Variants in MAP3K20 observed in about 807,000 individuals in gnomAD.
The protein encoded by MAP3K20 is HCCS-4.
Under a neutral mutation model 85.7 loss-of-function variants are expected in MAP3K20, and 40 were observed. That is an observed-to-expected ratio of 0.47 (90% CI 0.36 to 0.61). The LOEUF (loss-of-function observed/expected upper bound fraction) is 0.61, where lower values mean the gene tolerates loss of function less well. Among genes scored for constraint, MAP3K20 ranks in the 20% least tolerant of loss-of-function variants. The pLI is 0.00. For synonymous variants in MAP3K20, 325 were observed against 327.7 expected, an observed-to-expected ratio of 0.99 and a Z score of 0.09; for missense variants, 817 against 961.7, an observed-to-expected ratio of 0.85 and a Z score of 1.99.
At chr2:173,255,227 T>C (rs947336666) in intron 16 of MAP3K20, among the ~76,000 whole-genome samples, 4 of 152,208 alleles carry the variant, frequency 2.6e-5, no homozygotes, top group African/African-American at 9.7e-5. Context: ...CCACTAGCTT[T>C]CTTGGTTGTA....
At chr2:173,164,997 G>A (rs574403487) in intron 2 of MAP3K20, among the ~76,000 whole-genome samples, 1 of 152,258 alleles carries the variant, frequency 6.6e-6, no homozygotes, top group East Asian at 1.9e-4. Flanking sequence ...GGCCCCAGCT[G>A]GAAACAATAA....
At chr2:173,242,699 C>CT (rs68173816) in intron 16 of MAP3K20, among the ~76,000 whole-genome samples, 25,742 of 81,048 alleles carry the variant, frequency 0.32, 3,862 homozygotes, top group East Asian at 0.59. Context: ...AGTAATCTTT[C>CT]TTTTTTTTTT....
intron 1 of MAP3K20, chr2:173,090,721 G>A (rs1687269708): frequency 1.9e-6 from 2 of 1,041,836 alleles, no homozygotes; most frequent in Non-Finnish European, 2.3e-6. Flanking sequence ...GGGATGAGTA[G>A]GAAGTGCTGC....
intron 4 of MAP3K20, 98 bp downstream of exon 4, chr2:173,183,053 G>A: frequency 2.1e-6 from 2 of 966,148 alleles, no homozygotes; most frequent in Non-Finnish European, 3.1e-6. Context: ...TCTGTCTTTA[G>A]ATGTTCTTTT....
intron 2 of MAP3K20, among the ~76,000 whole-genome samples, chr2:173,120,531 C>T (rs369325969): frequency 1.7e-4 from 25 of 151,500 alleles, no homozygotes; most frequent in South Asian, 8.4e-4. Flanking sequence ...GTGGCAGTCT[C>T]GTATCCCAAT....
chr2:173,109,105 C>T (rs1448944841), intron 2 of MAP3K20, among the ~76,000 whole-genome samples: 4 of 152,138 alleles, frequency 2.6e-5, no homozygotes, highest in South Asian at 2.1e-4. Context: ...TTTCTTTCTC[C>T]GAATTTATTT....
At chr2:173,232,258 T>C in intron 13 of MAP3K20, 36 bp downstream of exon 13, 1 of 1,614,136 alleles carries the variant, frequency 6.2e-7, no homozygotes, top group Non-Finnish European at 8.5e-7. Context: ...AATCATGGAG[T>C]TAACTTTGTT....
chr2:173,243,621 TTTTG>T (rs1195774114), intron 16 of MAP3K20, among the ~76,000 whole-genome samples: 3 of 152,102 alleles, frequency 2.0e-5, no homozygotes, highest in African/African-American at 4.8e-5. Context: ...ATTTATGTTT[TTTTG>T]TTTGTTTTTT....
chr2:173,236,087 G>A (rs1452469017), intron 14 of MAP3K20, among the ~76,000 whole-genome samples: 2 of 152,060 alleles, frequency 1.3e-5, no homozygotes, highest in Non-Finnish European at 2.9e-5. Flanking sequence ...GCAACATGGC[G>A]AAACCTTGCC....
chr2:173,111,643 G>A (rs1687977463), intron 2 of MAP3K20, among the ~76,000 whole-genome samples: 1 of 152,112 alleles, frequency 6.6e-6, no homozygotes. Flanking sequence ...CCTACATGTG[G>A]CTAGCCAATT....
chr2:173,102,636 A>C (rs2106162071), intron 2 of MAP3K20, among the ~76,000 whole-genome samples: 2 of 152,322 alleles, frequency 1.3e-5, no homozygotes, highest in Non-Finnish European at 2.9e-5. Flanking sequence ...GAGAAGCAGC[A>C]CTGGTAAGTA....
intron 9 of MAP3K20, among the ~76,000 whole-genome samples, chr2:173,205,119 A>AAAAAAAC (rs1683638647): frequency 1.4e-5 from 2 of 139,552 alleles, no homozygotes; most frequent in African/African-American, 5.5e-5. Context: ...AAAAAAAAAA[A>AAAAAAAC]AAATAAATAA....
At chr2:173,113,942 G>T (rs944915984) in intron 2 of MAP3K20, among the ~76,000 whole-genome samples, 1 of 151,980 alleles carries the variant, frequency 6.6e-6, no homozygotes, top group Non-Finnish European at 1.5e-5. Context: ...TTGTCTCTTT[G>T]TTGACTTTCT....
upstream of MAP3K20, chr2:173,075,549 C>G (rs1304515683): frequency 6.0e-6 from 1 of 166,274 alleles, no homozygotes; most frequent in African/African-American, 2.4e-5. Context: ...GCGTCCCCAG[C>G]GCCTGTTTGT....
At chr2:173,188,291 C>T (rs1000345843) in intron 5 of MAP3K20, among the ~76,000 whole-genome samples, 1 of 152,154 alleles carries the variant, frequency 6.6e-6, no homozygotes, top group African/African-American at 2.4e-5. Flanking sequence ...CAGAATGCTT[C>T]TTCTGTTACA....
intron 7 of MAP3K20, among the ~76,000 whole-genome samples, chr2:173,194,437 T>C (rs570039663): frequency 1.1e-4 from 16 of 152,124 alleles, no homozygotes; most frequent in Non-Finnish European, 2.1e-4. Context: ...CAACCACAGG[T>C]ATTTTTTTAA....
chr2:173,156,428 G>A (rs920539924), intron 2 of MAP3K20, among the ~76,000 whole-genome samples: 5 of 152,140 alleles, frequency 3.3e-5, no homozygotes, highest in African/African-American at 9.7e-5. Context: ...AGGTGGCTGG[G>A]TAATGAAAGG....
At chr2:173,107,487 G>A (rs1055185757) in intron 2 of MAP3K20, among the ~76,000 whole-genome samples, 3 of 152,186 alleles carry the variant, frequency 2.0e-5, no homozygotes, top group African/African-American at 7.2e-5. Flanking sequence ...CCTGCACAGG[G>A]ATAAGGGCAC....
intron 16 of MAP3K20, among the ~76,000 whole-genome samples, chr2:173,248,249 T>A (rs1363071106): frequency 6.6e-6 from 1 of 152,170 alleles, no homozygotes; most frequent in Non-Finnish European, 1.5e-5. Flanking sequence ...ATTTTACAAG[T>A]TCTCACGGTC....
Sources: allele counts gnomAD v4.1 joint callset (sites outside exome capture counted in the v4.1 genomes callset), GRCh38; gene constraint gnomAD v4.1.1; transcripts MANE v1.5; gene names NCBI Gene and HGNC (gene_info 2026-07-23, HGNC 2026-07-21).